Variants in IMMP2L observed in about 807,000 individuals in gnomAD.
IMMP2L encodes mitochondrial inner membrane protease subunit 2.
In IMMP2L, 18 loss-of-function variants were observed where a neutral mutation model predicts 19.3. That is an observed-to-expected ratio of 0.93 (90% CI 0.64 to 1.38). IMMP2L has a LOEUF of 1.38. Ranked by LOEUF, IMMP2L falls within the 40% of genes most tolerant of loss-of-function variation. The pLI is 0.00. For synonymous variants in IMMP2L, 76 were observed against 73.0 expected, an observed-to-expected ratio of 1.04 and a Z score of -0.21; for missense variants, 233 against 218.2, an observed-to-expected ratio of 1.07 and a Z score of -0.43.
At chr7:110,696,476 G>T (rs1311945220) in intron 5 of IMMP2L, among the ~76,000 whole-genome samples, 2 of 144,106 alleles carry the variant, frequency 1.4e-5, no homozygotes, top group East Asian at 2.0e-4. Context: ...GCCCAGGCTG[G>T]AATGTAATGG....
At chr7:110,940,787 A>C (rs2129552971) in intron 4 of IMMP2L, among the ~76,000 whole-genome samples, 1 of 152,332 alleles carries the variant, frequency 6.6e-6, no homozygotes, top group South Asian at 2.1e-4. Context: ...ATCAGGAAAT[A>C]CCTGAGGTGT....
At chr7:111,423,833 A>C (rs1251521601) in intron 3 of IMMP2L, among the ~76,000 whole-genome samples, 4 of 151,886 alleles carry the variant, frequency 2.6e-5, no homozygotes. Context: ...AGACACAAAA[A>C]ATCCTTCAAA....
chr7:111,116,925 G>T (rs933435711), intron 3 of IMMP2L, among the ~76,000 whole-genome samples: 1 of 152,160 alleles, frequency 6.6e-6, no homozygotes, highest in Non-Finnish European at 1.5e-5. Flanking sequence ...GAGGCAAAAT[G>T]AAGGAATTTG....
intron 3 of IMMP2L, among the ~76,000 whole-genome samples, chr7:111,211,169 G>A (rs1428584596): frequency 6.6e-6 from 1 of 152,124 alleles, no homozygotes; most frequent in Non-Finnish European, 1.5e-5. Flanking sequence ...CAAGAGTTCA[G>A]AAGAAGGAAA....
intron 4 of IMMP2L, among the ~76,000 whole-genome samples, chr7:110,912,201 T>A (rs1813131225): frequency 6.6e-6 from 1 of 152,082 alleles, no homozygotes; most frequent in African/African-American, 2.4e-5. Flanking sequence ...TGCCCTTTTT[T>A]TAGTAGGCAA....
intron 1 of IMMP2L, among the ~76,000 whole-genome samples, chr7:111,556,182 G>A (rs1463238787): frequency 6.6e-6 from 1 of 151,224 alleles, no homozygotes; most frequent in Non-Finnish European, 1.5e-5. Flanking sequence ...TTGAGATGTA[G>A]GTCAAAGGAC....
intron 3 of IMMP2L, among the ~76,000 whole-genome samples, chr7:111,081,134 G>A (rs1563221393): frequency 1.3e-5 from 2 of 152,100 alleles, no homozygotes; most frequent in Non-Finnish European, 2.9e-5. Flanking sequence ...GTGGTGTTGG[G>A]ATGCCCCATT....
intron 3 of IMMP2L, among the ~76,000 whole-genome samples, chr7:111,072,383 A>G (rs943923740): frequency 6.6e-6 from 1 of 152,228 alleles, no homozygotes; most frequent in African/African-American, 2.4e-5. Flanking sequence ...TGCTAAAGAG[A>G]TCACAGTTGA....
chr7:110,705,878 CT>C (rs1005013073), intron 5 of IMMP2L, among the ~76,000 whole-genome samples: 5 of 152,126 alleles, frequency 3.3e-5, no homozygotes, highest in African/African-American at 1.2e-4. Context: ...ATCCATGTTG[CT>C]GCAAAGGACA....
At chr7:111,308,308 A>G (rs1290005144) in intron 3 of IMMP2L, among the ~76,000 whole-genome samples, 1 of 152,022 alleles carries the variant, frequency 6.6e-6, no homozygotes, top group East Asian at 1.9e-4. Context: ...ATAAAATCTA[A>G]AGGTAAAGTT....
At chr7:110,965,084 G>A (rs1021336651) in intron 3 of IMMP2L, among the ~76,000 whole-genome samples, 4 of 151,960 alleles carry the variant, frequency 2.6e-5, no homozygotes, top group Admixed American at 2.6e-4. Context: ...TAGACATTGG[G>A]GTAATTTGTC....
At chr7:111,066,685 A>G (rs985648785) in intron 3 of IMMP2L, among the ~76,000 whole-genome samples, 1 of 152,190 alleles carries the variant, frequency 6.6e-6, no homozygotes, top group African/African-American at 2.4e-5. Context: ...ACCTTCCCCC[A>G]GATGGGATCT....
At chr7:111,535,413 A>G (rs2132859264) in intron 1 of IMMP2L, among the ~76,000 whole-genome samples, 1 of 152,252 alleles carries the variant, frequency 6.6e-6, no homozygotes, top group South Asian at 2.1e-4. Flanking sequence ...CTAACGAAAG[A>G]TATTAAATGC....
chr7:111,062,762 C>A (rs981402051), intron 3 of IMMP2L, among the ~76,000 whole-genome samples: 1 of 152,180 alleles, frequency 6.6e-6, no homozygotes, highest in Non-Finnish European at 1.5e-5. Flanking sequence ...GCAGAGCAGT[C>A]ACATCTTAGA....
chr7:111,181,425 T>G (rs1348197641), intron 3 of IMMP2L, among the ~76,000 whole-genome samples: 1 of 152,056 alleles, frequency 6.6e-6, no homozygotes, highest in Non-Finnish European at 1.5e-5. Context: ...GGATCTTCCC[T>G]GTCTTGTTCA....
intron 3 of IMMP2L, among the ~76,000 whole-genome samples, chr7:111,174,200 T>C (rs1806780939): frequency 6.6e-6 from 1 of 151,778 alleles, no homozygotes; most frequent in African/African-American, 2.4e-5. Context: ...CAGAGACTTT[T>C]ACTATTTCAC....
intron 5 of IMMP2L, among the ~76,000 whole-genome samples, chr7:110,858,712 C>G (rs1807062143): frequency 6.6e-6 from 1 of 151,982 alleles, no homozygotes; most frequent in Admixed American, 6.6e-5. Context: ...ATTAACTCGT[C>G]ATTTAGCATT....
Position 111,095,138 on chromosome 7 carries a change from C to T in IMMP2L, c.240-131573G>A, listed in dbSNP as rs184085815. Among the ~76,000 whole-genome samples, 4 of 151,814 alleles carry T rather than the reference C, an allele frequency of 2.6e-5. 1 individual carries two copies. Among genetic ancestry groups the T allele is most frequent in the East Asian group, 1.9e-4 (1 of 5,164 alleles). ...AAACACATGACACAGCTTCAGGAGA[C>T]GGGGAATAAAGAGGGGAGACATGCT... On this transcript the variant is annotated intron_variant, in intron 3 of 5. Coordinates refer to ENST00000405709, the MANE Select transcript of IMMP2L (RefSeq NM_032549.4).
At chr7:110,938,053 G>A (rs947421441) in intron 4 of IMMP2L, among the ~76,000 whole-genome samples, 8 of 151,862 alleles carry the variant, frequency 5.3e-5, no homozygotes, top group Admixed American at 3.3e-4. Context: ...TTCCTCCCAG[G>A]CCTCATTCTA....
Sources: gnomAD v4.1 joint callset for allele counts (sites outside exome capture counted in the v4.1 genomes callset) on GRCh38, gnomAD v4.1.1 for gene constraint, MANE v1.5 for transcripts, NCBI Gene and HGNC (gene_info 2026-07-23, HGNC 2026-07-21) for gene names.